Variants in FAM3B observed in about 807,000 individuals in gnomAD.
FAM3B encodes FAM3 metabolism regulating signaling molecule B.
In FAM3B, 29 loss-of-function variants were observed where a neutral mutation model predicts 28.4. That is an observed-to-expected ratio of 1.02 (90% confidence interval 0.76 to 1.39). The LOEUF is 1.39. FAM3B is among the 40% of genes most tolerant of loss of function. FAM3B has a pLI of 0.00. For missense variants in FAM3B, 266 were observed against 293.9 expected, an observed-to-expected ratio of 0.91 and a Z score of 0.69; for synonymous variants, 91 against 103.0, an observed-to-expected ratio of 0.88 and a Z score of 0.71.
Position 41,338,378 on chromosome 21 carries a change from C to A in FAM3B, c.164C>A (p.Ala55Asp). 1.2e-6 allele frequency: 2 copies of A among 1,614,096 alleles called. No individual in the cohort carries two copies. The highest frequency in any genetic ancestry group is 1.7e-6 in the Non-Finnish European group (2 of 1,179,994). ...CTATATACTTTCTTATTCATTACAGCTCCAGTCCCCAAAAGGCAAAAATGT... is the reference window on the plus strand; with the variant it reads ...CTATATACTTTCTTATTCATTACAGATCCAGTCCCCAAAAGGCAAAAATGT... ...RSIGERPVLKAPVPKRQKCDH... is the reference protein window; with the variant it reads ...RSIGERPVLKDPVPKRQKCDH... Residue 55 changes from alanine to aspartate, a missense_variant and splice_region_variant, in exon 3 of 8, where the codon GCT (alanine) becomes GAT (aspartate). Physicochemically the swap from Ala to Asp is moderately radical, Grantham distance 126. Coordinates refer to ENST00000357985, the MANE Select transcript of FAM3B (RefSeq NM_058186.4).
At chr21:41,333,119 G>A (rs372746915) in intron 2 of FAM3B, among the ~76,000 whole-genome samples, 2 of 127,850 alleles carry the variant, frequency 1.6e-5, no homozygotes, top group Non-Finnish European at 3.3e-5. Flanking sequence ...GTTTTGATAT[G>A]TTGTGTTTCT....
At chr21:41,329,987 AC>A (rs2145807992) in intron 2 of FAM3B, among the ~76,000 whole-genome samples, 1 of 152,356 alleles carries the variant, frequency 6.6e-6, no homozygotes, top group South Asian at 2.1e-4. Context: ...TTTGAGAGAG[AC>A]CACATTCACA....
At position 41,347,109 on chromosome 21, in the gene FAM3B, G is replaced by A. The variant is rs371998204; in HGVS notation, c.485+9G>A. On this transcript the variant is annotated intron_variant, in intron 6 of 7. Transcript: ENST00000357985. ...GACGACGGAAGCACAAGGTGAGTGG[G>A]TGTAGGTCTGTCACAGCGGTGGGCA... 86 of 1,613,592 alleles carry A rather than the reference G, an allele frequency of 5.3e-5. No individual in the cohort carries two copies. The highest frequency in any genetic ancestry group is 7.1e-5 in the Non-Finnish European group (84 of 1,179,646).
intron 1 of FAM3B, among the ~76,000 whole-genome samples, chr21:41,310,260 G>C (rs887664302): frequency 6.6e-6 from 1 of 151,812 alleles, no homozygotes; most frequent in Non-Finnish European, 1.5e-5. Flanking sequence ...CGCATCACCA[G>C]TTCCTCTTGG....
chr21:41,316,322 G>A (rs951758024), upstream of FAM3B, among the ~76,000 whole-genome samples: 5 of 152,212 alleles, frequency 3.3e-5, no homozygotes, highest in African/African-American at 1.2e-4. Context: ...AACAAGAGGT[G>A]GGGCGCCTGC....
At chr21:41,320,510 C>G (rs2088792424) in intron 1 of FAM3B, 1 of 152,332 alleles carries the variant, frequency 6.6e-6, no homozygotes, top group South Asian at 2.1e-4. Flanking sequence ...CACCTCCTGG[C>G]TACTATGTCC....
chr21:41,329,241 T>TA (rs987570354), intron 2 of FAM3B, among the ~76,000 whole-genome samples: 88 of 152,350 alleles, frequency 5.8e-4, no homozygotes, highest in African/African-American at 2.0e-3. Context: ...ACAGTCCAAA[T>TA]ATACTAAATG....
At position 41,310,420 on chromosome 21, in the gene FAM3B, T is replaced by G. The variant is rs149033025; in HGVS notation, n.99+6110T>G. On this transcript the variant is annotated intron_variant and non_coding_transcript_variant, in intron 1 of 9. Transcript: ENST00000479810. ...GAACCCCGTGAGCTACTGCCTCATTTTCTGGATCTTTGCACTAGAATGTGA... is the reference window on the plus strand; with the variant it reads ...GAACCCCGTGAGCTACTGCCTCATTGTCTGGATCTTTGCACTAGAATGTGA... Among the ~76,000 whole-genome samples, 489 of 152,346 alleles carry G rather than the reference T, an allele frequency of 3.2e-3. 5 individuals carry two copies. Among genetic ancestry groups the G allele is most frequent in the African/African-American group, 0.011 (438 of 41,582 alleles).
intron 2 of FAM3B, among the ~76,000 whole-genome samples, chr21:41,333,635 C>T (rs1733592019): frequency 6.6e-6 from 1 of 152,150 alleles, no homozygotes; most frequent in South Asian, 2.1e-4. Context: ...TCTAAATTAC[C>T]CAGTCTCAGA....
upstream of FAM3B, among the ~76,000 whole-genome samples, chr21:41,311,977 G>A (rs2088716849): frequency 6.6e-6 from 1 of 152,206 alleles, no homozygotes; most frequent in African/African-American, 2.4e-5. Flanking sequence ...GAAAGCTCTT[G>A]TGCAGAGAAA....
chr21:41,335,934 A>G (rs1255331517), intron 2 of FAM3B, among the ~76,000 whole-genome samples: 1 of 152,182 alleles, frequency 6.6e-6, no homozygotes, highest in Non-Finnish European at 1.5e-5. Flanking sequence ...GAGCAATTCA[A>G]GTCTCCTCTA....
At chr21:41,312,134 T>G (rs2088718268), upstream of FAM3B, among the ~76,000 whole-genome samples, 1 of 152,238 alleles carries the variant, frequency 6.6e-6, no homozygotes, top group South Asian at 2.1e-4. Flanking sequence ...AGGTGAGATT[T>G]GTGTGGGGAC....
At chr21:41,341,411 G>A (rs1046102561) in intron 3 of FAM3B, among the ~76,000 whole-genome samples, 1 of 152,150 alleles carries the variant, frequency 6.6e-6, no homozygotes, top group Non-Finnish European at 1.5e-5. Flanking sequence ...CACCCCATAA[G>A]CCCTCTGTGT....
In FAM3B at chr21:41,340,008, A is replaced by C. The variant is rs1056679181; in HGVS notation, c.287+1507A>C. On this transcript the variant is annotated intron_variant, in intron 3 of 7. Coordinates refer to ENST00000357985, the MANE Select transcript of FAM3B (RefSeq NM_058186.4). ...GGTGTAATTCTCAGTTTGAGAATCA[A>C]TAGGAGATGGGAGGTCTGCTGGTAT... Among the ~76,000 whole-genome samples, 11 of 152,288 alleles carry C rather than the reference A, an allele frequency of 7.2e-5. 1 individual carries two copies. Among genetic ancestry groups the C allele is most frequent in the South Asian group, 4.1e-4 (2 of 4,826 alleles).
chr21:41,349,552 G>A (rs1027369304), intron 7 of FAM3B, among the ~76,000 whole-genome samples: 3 of 152,166 alleles, frequency 2.0e-5, no homozygotes, highest in Admixed American at 6.5e-5. Context: ...GCAATAGGCC[G>A]CTTCTGATTT....
chr21:41,350,070 G>A (rs1415307659), intron 7 of FAM3B, among the ~76,000 whole-genome samples: 1 of 152,206 alleles, frequency 6.6e-6, no homozygotes, highest in Non-Finnish European at 1.5e-5. Context: ...CCACACTGAG[G>A]GCAAGCTGAA....
At chr21:41,319,390 T>C (rs946491442) in intron 1 of FAM3B, 12 of 152,260 alleles carry the variant, frequency 7.9e-5, no homozygotes, top group Non-Finnish European at 1.3e-4. Context: ...ACACTCATCC[T>C]GTCTGCTGGG....
At chr21:41,356,713 TG>T (rs1014521801) in intron 7 of FAM3B, among the ~76,000 whole-genome samples, 1 of 152,180 alleles carries the variant, frequency 6.6e-6, no homozygotes, top group African/African-American at 2.4e-5. Flanking sequence ...TATAAATATA[TG>T]GGTAGAAGAA....
chr21:41,318,597 C>G (rs1023925423), intron 1 of FAM3B, among the ~76,000 whole-genome samples: 1 of 152,184 alleles, frequency 6.6e-6, no homozygotes, highest in African/African-American at 2.4e-5. Context: ...CAGTGAGTCC[C>G]AAAATACTGA....
Sources: allele counts gnomAD v4.1 joint callset (sites outside exome capture counted in the v4.1 genomes callset), GRCh38; gene constraint gnomAD v4.1.1; transcripts MANE v1.5; gene names NCBI Gene and HGNC (gene_info 2026-07-23, HGNC 2026-07-21).